The following IQGAP2 variants were observed in gnomAD, a reference collection of about 807,000 sequenced individuals.
IQGAP2 encodes the protein ras GTPase-activating-like protein IQGAP2.
Under a neutral mutation model 201.3 loss-of-function variants are expected in IQGAP2, and 173 were observed. The ratio of observed to expected loss-of-function variants is 0.86; its 90% CI spans 0.76 to 0.98. The LOEUF is 0.98. Ranked by LOEUF, IQGAP2 falls within the 50% of genes least tolerant of loss-of-function variation. The probability of loss-of-function intolerance (pLI) is 0.00; values close to 1 mark genes in which losing one functional copy is unlikely to be tolerated. For missense variants in IQGAP2, 1,687 were observed against 1,864.8 expected (o/e 0.90, Z 1.76); for synonymous variants, 675 against 673.9 (o/e 1.00, Z -0.03).
chr5:76,410,036 T>C (rs755424203), intron 1 of IQGAP2, among the ~76,000 whole-genome samples: 2 of 152,244 alleles, frequency 1.3e-5, no homozygotes, highest in Non-Finnish European at 2.9e-5. Flanking sequence ...TGTAATGGTT[T>C]CAATTAATTG....
At chr5:76,640,851 A>C in intron 16 of IQGAP2, 82 bp from the exon 17 acceptor site, 1 of 1,055,138 alleles carries the variant, frequency 9.5e-7, no homozygotes, top group East Asian at 2.5e-5. Context: ...TTATTTTCTA[A>C]AAGATAAAAT....
chr5:76,642,438 C>A (rs1041969497), intron 17 of IQGAP2, among the ~76,000 whole-genome samples: 8 of 152,288 alleles, frequency 5.3e-5, no homozygotes, highest in African/African-American at 1.7e-4. Flanking sequence ...GCCATCAAAC[C>A]ATGAAGTCAC....
chr5:76,666,205 C>T (rs1743743119), intron 22 of IQGAP2, among the ~76,000 whole-genome samples: 1 of 152,150 alleles, frequency 6.6e-6, no homozygotes. Context: ...AAGTGGCCAC[C>T]ACATGGCGGC....
chr5:76,566,824 G>A (rs1252622236), intron 3 of IQGAP2, among the ~76,000 whole-genome samples: 1 of 152,066 alleles, frequency 6.6e-6, no homozygotes, highest in African/African-American at 2.4e-5. Flanking sequence ...TGGACAGTGG[G>A]AGATGACCAA....
chr5:76,509,402 T>A (rs1757818379), intron 2 of IQGAP2, among the ~76,000 whole-genome samples: 1 of 137,856 alleles, frequency 7.3e-6, no homozygotes, highest in South Asian at 2.2e-4. Context: ...TTCCTTGTCC[T>A]TTTTTTTTTT....
chr5:76,642,968 A>G (rs1751713174), intron 17 of IQGAP2, among the ~76,000 whole-genome samples: 2 of 152,196 alleles, frequency 1.3e-5, no homozygotes, highest in Non-Finnish European at 2.9e-5. Context: ...CTACATAGCC[A>G]TATTATTTTT....
intron 2 of IQGAP2, among the ~76,000 whole-genome samples, chr5:76,482,251 A>G (rs1489459378): frequency 6.6e-6 from 1 of 152,186 alleles, no homozygotes; most frequent in South Asian, 2.1e-4. Context: ...GATTCCAGCC[A>G]CCTCAGCCTC....
chr5:76,674,196 G>T (rs2150491481), intron 26 of IQGAP2, among the ~76,000 whole-genome samples, 160 bp downstream of exon 26: 1 of 152,222 alleles, frequency 6.6e-6, no homozygotes, highest in South Asian at 2.1e-4. Context: ...TTAAGCTGAG[G>T]TTAATTTGGA....
At chr5:76,513,930 G>A (rs1230537242) in intron 2 of IQGAP2, among the ~76,000 whole-genome samples, 1 of 151,758 alleles carries the variant, frequency 6.6e-6, no homozygotes, top group African/African-American at 2.4e-5. Context: ...AATGGGCATA[G>A]GTGAGGGGCT....
chr5:76,700,677 A>G (rs10213957), intron 33 of IQGAP2, among the ~76,000 whole-genome samples: 49,591 of 152,104 alleles, frequency 0.33, 8,237 homozygotes, highest in Non-Finnish European at 0.35. Flanking sequence ...GAACAATGCT[A>G]GCCACATAGT....
chr5:76,674,149 C>A, intron 26 of IQGAP2, 113 bp downstream of exon 26: 1 of 674,402 alleles, frequency 1.5e-6, no homozygotes, highest in Non-Finnish European at 2.6e-6. Context: ...TAATAAGCTG[C>A]AGGTCTTCTG....
intron 2 of IQGAP2, among the ~76,000 whole-genome samples, chr5:76,546,174 A>G (rs1174942006): frequency 6.6e-6 from 1 of 152,122 alleles, no homozygotes; most frequent in African/African-American, 2.4e-5. Flanking sequence ...GTTGGCTCAC[A>G]CCTGTAATCC....
chr5:76,684,493 C>G (rs1745565540), intron 30 of IQGAP2, among the ~76,000 whole-genome samples: 2 of 152,182 alleles, frequency 1.3e-5, no homozygotes, highest in Non-Finnish European at 2.9e-5. Flanking sequence ...AAGGATATTC[C>G]ACATCCATCC....
intron 30 of IQGAP2, among the ~76,000 whole-genome samples, chr5:76,689,230 TAAAA>T (rs11424254): frequency 2.8e-4 from 24 of 86,486 alleles, no homozygotes; most frequent in South Asian, 1.6e-3. Flanking sequence ...CAGGGATATT[TAAAA>T]AAAAAAAAAA....
At chr5:76,578,817 T>C (rs1277244370) in intron 5 of IQGAP2, among the ~76,000 whole-genome samples, 1 of 149,890 alleles carries the variant, frequency 6.7e-6, no homozygotes, top group African/African-American at 2.4e-5. Context: ...CATGTTTTAC[T>C]TTTGTGGCTT....
At chr5:76,701,277 G>A (rs1324964109) in intron 34 of IQGAP2, 64 bp downstream of exon 34, 13 of 1,531,522 alleles carry the variant, frequency 8.5e-6, no homozygotes, top group Non-Finnish European at 1.1e-5. Flanking sequence ...GCCTTGGAGA[G>A]AGCTCCATTT....
intron 15 of IQGAP2, among the ~76,000 whole-genome samples, chr5:76,634,479 C>T (rs528711465): frequency 2.0e-5 from 3 of 152,126 alleles, no homozygotes; most frequent in African/African-American, 7.2e-5. Context: ...AGGTTGGTCT[C>T]GAACTCCTGA....
chr5:76,593,725 A>C (rs1262460156), intron 9 of IQGAP2, among the ~76,000 whole-genome samples: 1 of 152,262 alleles, frequency 6.6e-6, no homozygotes, highest in Non-Finnish European at 1.5e-5. Flanking sequence ...AAGGCCATTT[A>C]GCCTGCTTAA....
chr5:76,494,658 G>T (rs537028263), intron 2 of IQGAP2, among the ~76,000 whole-genome samples: 12 of 152,008 alleles, frequency 7.9e-5, no homozygotes, highest in East Asian at 1.9e-4. Context: ...TTAGTTTTTT[G>T]TTGTTGTTGT....
Sources: gnomAD v4.1 joint callset for allele counts (sites outside exome capture counted in the v4.1 genomes callset) on GRCh38, gnomAD v4.1.1 for gene constraint, MANE v1.5 for transcripts, NCBI Gene and HGNC (gene_info 2026-07-23, HGNC 2026-07-21) for gene names.